The following PSMA1 variants were observed in gnomAD, a reference collection of about 807,000 sequenced individuals.
PSMA1 encodes the protein proteasome 20S subunit alpha 1, also known as proteasome subunit alpha type-1.
In PSMA1, 3 loss-of-function variants were observed where a neutral mutation model predicts 38.4. That is an observed-to-expected ratio of 0.08 (90% CI 0.04 to 0.20). The LOEUF (loss-of-function observed/expected upper bound fraction) is 0.20. PSMA1 is among the 10% of genes least tolerant of loss of function. The probability of loss-of-function intolerance (pLI) is 1.00; values close to 1 mark genes in which losing one functional copy is unlikely to be tolerated. For synonymous variants in PSMA1, 101 were observed against 107.1 expected, an observed-to-expected ratio of 0.94 and a Z score of 0.35; for missense variants, 227 against 325.3, an observed-to-expected ratio of 0.70 and a Z score of 2.32.
intron 2 of PSMA1, among the ~76,000 whole-genome samples, chr11:14,586,953 G>C (rs1486685940): frequency 2.6e-5 from 4 of 151,952 alleles, no homozygotes; most frequent in Non-Finnish European, 5.9e-5. Context: ...GTAGAGACAG[G>C]GTTCCACTAT....
chr11:14,515,499 A>C (rs1270197175), intron 4 of PSMA1, among the ~76,000 whole-genome samples: 4 of 152,112 alleles, frequency 2.6e-5, no homozygotes, highest in African/African-American at 9.7e-5. Context: ...GAAACCCTTA[A>C]GGCTGTCATT....
intron 1 of PSMA1, 135 bp downstream of exon 1, chr11:14,520,162 G>A (rs1851504508): frequency 3.6e-6 from 5 of 1,383,442 alleles, no homozygotes; most frequent in Non-Finnish European, 5.1e-6. Flanking sequence ...AATCACTGCC[G>A]GAGCCCGGCC....
intron 2 of PSMA1, among the ~76,000 whole-genome samples, chr11:14,546,997 A>G (rs889977074): frequency 6.6e-6 from 1 of 152,252 alleles, no homozygotes; most frequent in South Asian, 2.1e-4. Context: ...AAGAGATGGA[A>G]TGAAGGAAAA....
chr11:14,518,084 T>C, intron 2 of PSMA1, 103 bp from the exon 3 acceptor site: 2 of 706,150 alleles, frequency 2.8e-6, no homozygotes, highest in Non-Finnish European at 2.1e-6. Flanking sequence ...TCTCAACTGA[T>C]TTTTTTTTTA....
upstream of PSMA1, among the ~76,000 whole-genome samples, chr11:14,523,923 GATCA>G (rs1565036181): frequency 6.6e-6 from 1 of 151,504 alleles, no homozygotes. Context: ...CTGAAAAACT[GATCA>G]ATAAAGATAT....
intron 2 of PSMA1, among the ~76,000 whole-genome samples, chr11:14,530,486 G>A (rs1253441132): frequency 1.3e-5 from 2 of 152,290 alleles, no homozygotes; most frequent in East Asian, 3.9e-4. Flanking sequence ...AAGCTTAATT[G>A]CACTTATTTG....
At chr11:14,627,894 C>T (rs921008256) in intron 1 of PSMA1, among the ~76,000 whole-genome samples, 4 of 152,124 alleles carry the variant, frequency 2.6e-5, no homozygotes, top group Admixed American at 6.5e-5. Flanking sequence ...CTTTATGTCA[C>T]CCATCCTGAT....
chr11:14,517,397 T>C (rs1001753346), intron 4 of PSMA1, among the ~76,000 whole-genome samples: 1 of 152,236 alleles, frequency 6.6e-6, no homozygotes, highest in Non-Finnish European at 1.5e-5. Flanking sequence ...ATATACATTG[T>C]ATTAACAAAC....
intron 2 of PSMA1, among the ~76,000 whole-genome samples, 179 bp downstream of exon 2, chr11:14,518,818 A>G (rs986432578): frequency 1.3e-5 from 2 of 152,056 alleles, no homozygotes; most frequent in African/African-American, 4.8e-5. Context: ...GGCTTATTTC[A>G]CTTAACATAA....
intron 2 of PSMA1, among the ~76,000 whole-genome samples, chr11:14,525,880 C>T (rs565690881): frequency 6.6e-6 from 1 of 152,280 alleles, no homozygotes; most frequent in South Asian, 2.1e-4. Flanking sequence ...GATTTACTTT[C>T]TTTCCACCCT....
chr11:14,533,650 T>C (rs993006030), intron 2 of PSMA1, among the ~76,000 whole-genome samples: 11 of 151,400 alleles, frequency 7.3e-5, no homozygotes, highest in Admixed American at 6.6e-4. Flanking sequence ...ACTCCTGGGC[T>C]CGAGCCATCT....
At chr11:14,571,907 G>C (rs935041221) in intron 2 of PSMA1, among the ~76,000 whole-genome samples, 4 of 152,112 alleles carry the variant, frequency 2.6e-5, no homozygotes, top group Non-Finnish European at 1.5e-5. Flanking sequence ...AAGATCAAAA[G>C]AGACAAAGAA....
chr11:14,601,924 A>C (rs1262977916), intron 2 of PSMA1, among the ~76,000 whole-genome samples: 2 of 152,214 alleles, frequency 1.3e-5, no homozygotes, highest in African/African-American at 4.8e-5. Flanking sequence ...AAAGGTAAGG[A>C]TATCAATGTT....
chr11:14,605,497 T>C (rs1589573), intron 2 of PSMA1, among the ~76,000 whole-genome samples: 149,305 of 152,248 alleles, frequency 0.98, 73,305 homozygotes, highest in Middle Eastern at 1. Context: ...GATCCTCCCA[T>C]CTCAGCCTCC....
At chr11:14,517,164 T>G (rs1402985858) in intron 4 of PSMA1, among the ~76,000 whole-genome samples, 1 of 152,238 alleles carries the variant, frequency 6.6e-6, no homozygotes, top group Non-Finnish European at 1.5e-5. Context: ...CATTTGAGTT[T>G]ATAGATAAAC....
chr11:14,566,063 G>T (rs917726238), intron 2 of PSMA1, among the ~76,000 whole-genome samples: 2 of 152,220 alleles, frequency 1.3e-5, no homozygotes, highest in African/African-American at 2.4e-5. Flanking sequence ...AAAAAGCAAG[G>T]CCAGTGTGGC....
chr11:14,535,651 G>A (rs1420671634), intron 2 of PSMA1, among the ~76,000 whole-genome samples: 1 of 151,442 alleles, frequency 6.6e-6, no homozygotes, highest in Non-Finnish European at 1.5e-5. Flanking sequence ...CTCCATTTTG[G>A]TCAGGCTGGT....
intron 2 of PSMA1, among the ~76,000 whole-genome samples, chr11:14,555,177 A>G (rs1851929092): frequency 6.6e-6 from 1 of 152,194 alleles, no homozygotes; most frequent in South Asian, 2.1e-4. Flanking sequence ...GAATAGCTAT[A>G]TTTCTCCTGA....
chr11:14,513,532 CAAAA>C (rs59773789), intron 7 of PSMA1, 34 bp downstream of exon 7: 12,612 of 1,128,540 alleles, frequency 0.011, no homozygotes, highest in East Asian at 0.024. Flanking sequence ...CTGGAAAAGG[CAAAA>C]AAAAAAAAAA....
Sources: allele counts gnomAD v4.1 joint callset (sites outside exome capture counted in the v4.1 genomes callset), GRCh38; gene constraint gnomAD v4.1.1; transcripts MANE v1.5; gene names NCBI Gene and HGNC (gene_info 2026-07-23, HGNC 2026-07-21).